The following TASP1 variants were observed in gnomAD, a reference collection of about 807,000 sequenced individuals.
TASP1 encodes the protein taspase 1, also known as threonine aspartase 1.
A neutral mutation model predicts 56.6 loss-of-function variants in TASP1; 16 were observed. That is an observed-to-expected ratio of 0.28 (90% CI 0.19 to 0.43). The LOEUF (loss-of-function observed/expected upper bound fraction) is 0.43, where lower values mean the gene tolerates loss of function less well. Among genes scored for constraint, TASP1 ranks in the 20% least tolerant of loss-of-function variants. The pLI is 1.00. For synonymous variants in TASP1, 179 were observed against 184.2 expected, an observed-to-expected ratio of 0.97 and a Z score of 0.23; for missense variants, 393 against 511.6, an observed-to-expected ratio of 0.77 and a Z score of 2.24.
At chr20:13,161,404 T>C in the TASP1 span, among the ~76,000 whole-genome samples, 2 of 152,176 alleles carry the variant, frequency 1.3e-5, no homozygotes, top group Non-Finnish European at 2.9e-5. Context: ...GGAACTGCTA[T>C]AGTTTAGGGA....
chr20:13,156,203 C>T, the TASP1 span, among the ~76,000 whole-genome samples: 1 of 152,146 alleles, frequency 6.6e-6, no homozygotes. Flanking sequence ...TGAAAATAAA[C>T]TTGTCCAAGG....
At chr20:13,509,121 GAAA>G (rs1269983614) in intron 10 of TASP1, among the ~76,000 whole-genome samples, 5 of 129,814 alleles carry the variant, frequency 3.9e-5, no homozygotes, top group African/African-American at 1.2e-4. Flanking sequence ...AATGAATGAA[GAAA>G]GTGTGTGTGT....
intron 12 of TASP1, among the ~76,000 whole-genome samples, chr20:13,419,135 C>A (rs2146078792): frequency 6.6e-6 from 1 of 152,308 alleles, no homozygotes; most frequent in African/African-American, 2.4e-5. Flanking sequence ...GATAACTGTA[C>A]TGTGATTATT....
chr20:13,448,324 T>C (rs971238171), intron 11 of TASP1, among the ~76,000 whole-genome samples: 4 of 152,142 alleles, frequency 2.6e-5, no homozygotes, highest in African/African-American at 4.8e-5. Context: ...TCCTGTTCCA[T>C]TGATGAAATT....
At chr20:13,226,300 G>C in the TASP1 span, among the ~76,000 whole-genome samples, 3 of 152,176 alleles carry the variant, frequency 2.0e-5, no homozygotes, top group Non-Finnish European at 2.9e-5. Context: ...TATAGCAGTA[G>C]AAGCAAAAGC....
the TASP1 span, among the ~76,000 whole-genome samples, chr20:13,204,727 A>G: frequency 6.6e-6 from 1 of 152,176 alleles, no homozygotes; most frequent in East Asian, 1.9e-4. Flanking sequence ...ATTTGAACCC[A>G]CTTTGGATTT....
rs76939817 is a variant in TASP1, at chr20:13,535,692, A to G, written c.676-1551T>C. On this transcript the variant is annotated intron_variant, in intron 8 of 13. Transcript: ENST00000337743. ...ACTGAATGCAACAGACACTCAGGAC[A>G]TATTTATTTTTTAATTAGGATGCAG... is the stretch of plus-strand genomic sequence containing the variant. Among the ~76,000 whole-genome samples the G allele has an allele frequency of 4.7e-3, 709 of 152,298 alleles. 4 individuals are homozygous for G. The highest frequency in any genetic ancestry group is 0.015 in the African/African-American group (634 of 41,568).
the TASP1 span, among the ~76,000 whole-genome samples, chr20:13,282,480 A>AC: frequency 6.6e-6 from 1 of 151,984 alleles, no homozygotes; most frequent in Non-Finnish European, 1.5e-5. Context: ...CATTAAGAAC[A>AC]CCCCCTCTAT....
the TASP1 span, among the ~76,000 whole-genome samples, chr20:13,283,271 A>G: frequency 6.6e-6 from 1 of 152,176 alleles, no homozygotes; most frequent in Non-Finnish European, 1.5e-5. Flanking sequence ...GTTGTGGAGG[A>G]AACAGAAAGA....
the TASP1 span, among the ~76,000 whole-genome samples, chr20:13,228,209 G>T: frequency 6.6e-6 from 1 of 151,382 alleles, no homozygotes; most frequent in Non-Finnish European, 1.5e-5. Flanking sequence ...TTCATCTCAG[G>T]TGATCTGCCC....
chr20:13,360,249 G>A, the TASP1 span, among the ~76,000 whole-genome samples: 12,656 of 144,352 alleles, frequency 0.088, 298 homozygotes, highest in African/African-American at 0.15. Flanking sequence ...GCCTCTCTTC[G>A]CTTTCACTTG....
intron 4 of TASP1, among the ~76,000 whole-genome samples, chr20:13,610,334 A>G (rs781611281): frequency 6.6e-6 from 1 of 152,226 alleles, no homozygotes; most frequent in Non-Finnish European, 1.5e-5. Flanking sequence ...ATGAAGTTCT[A>G]GAACAGGCAA....
At chr20:13,231,544 T>A in the TASP1 span, among the ~76,000 whole-genome samples, 1 of 152,206 alleles carries the variant, frequency 6.6e-6, no homozygotes, top group Non-Finnish European at 1.5e-5. Context: ...CTGTGAGGCA[T>A]CAACTCCCTG....
intron 1 of TASP1, 28 bp from the exon 2 acceptor site, chr20:13,630,180 A>T (rs2049032894): frequency 7.9e-7 from 1 of 1,273,644 alleles, no homozygotes; most frequent in Non-Finnish European, 1.1e-6. Flanking sequence ...AAGATGGTAT[A>T]CATTTCTTTC....
At chr20:13,400,758 C>T (rs2123648740) in intron 13 of TASP1, among the ~76,000 whole-genome samples, 1 of 152,290 alleles carries the variant, frequency 6.6e-6, no homozygotes, top group Middle Eastern at 3.4e-3. Flanking sequence ...AGCCAAATGT[C>T]TCAATTAGTG....
chr20:13,262,378 A>G, the TASP1 span, among the ~76,000 whole-genome samples: 13 of 152,122 alleles, frequency 8.5e-5, no homozygotes, highest in African/African-American at 2.7e-4. Flanking sequence ...GGCTTTATCA[A>G]AGTGGTTCTG....
chr20:13,421,348 T>A (rs1056556244), intron 12 of TASP1, among the ~76,000 whole-genome samples: 1 of 151,918 alleles, frequency 6.6e-6, no homozygotes, highest in African/African-American at 2.4e-5. Flanking sequence ...GTGCTGGGAT[T>A]ACAGGAATGG....
At chr20:13,573,896 C>T (rs1235632820) in intron 6 of TASP1, among the ~76,000 whole-genome samples, 1 of 152,094 alleles carries the variant, frequency 6.6e-6, no homozygotes, top group South Asian at 2.1e-4. Context: ...GTTTCTAAAC[C>T]ACAGCACAGC....
intron 10 of TASP1, among the ~76,000 whole-genome samples, chr20:13,491,359 T>G (rs1229095588): frequency 6.6e-6 from 1 of 152,224 alleles, no homozygotes. Flanking sequence ...GACTTAAGAT[T>G]ACACTCCTGC....
Sources: allele counts gnomAD v4.1 joint callset (sites outside exome capture counted in the v4.1 genomes callset), GRCh38; gene constraint gnomAD v4.1.1; transcripts MANE v1.5; gene names NCBI Gene and HGNC (gene_info 2026-07-23, HGNC 2026-07-21).